Variants in IGDCC3 observed in about 807,000 individuals in gnomAD.
The protein encoded by IGDCC3 is putative neuronal cell adhesion molecule.
Under a neutral mutation model 72.0 loss-of-function variants are expected in IGDCC3, and 47 were observed. That is an observed-to-expected ratio of 0.65 (90% CI 0.52 to 0.83). IGDCC3 has a LOEUF of 0.83. Ranked by LOEUF, IGDCC3 falls within the 40% of genes least tolerant of loss-of-function variation. The pLI is 0.00. For missense variants in IGDCC3, 1,038 were observed against 1,091.3 expected (o/e 0.95, Z 0.69); for synonymous variants, 477 against 472.8 (o/e 1.01, Z -0.11).
At chr15:65,362,704 G>A (rs2091268944) in intron 2 of IGDCC3, among the ~76,000 whole-genome samples, 1 of 152,144 alleles carries the variant, frequency 6.6e-6, no homozygotes, top group Admixed American at 6.6e-5. Context: ...AGTGTTCAGG[G>A]AGGGAGCTTG....
chr15:65,329,922 A>G lies in IGDCC3; in HGVS notation c.1859-58T>C. 6.3e-7 allele frequency: 1 copy of G among 1,592,780 alleles called. No individual in the cohort carries two copies. Among genetic ancestry groups the G allele is most frequent in the Non-Finnish European group, 8.6e-7 (1 of 1,164,722 alleles). ...CTCCAGGTCTGAAGCACTCCCAAAC[A>G]CCCAGCCTCTGGGGACTCCTCTTCC... On this transcript the variant is annotated intron_variant, in intron 11 of 13. Coordinates refer to ENST00000327987, the MANE Select transcript of IGDCC3 (RefSeq NM_004884.4). The surrounding 1 kb of genome is among the most constrained non-coding windows in gnomAD (Gnocchi z 4.1).
intron 2 of IGDCC3, among the ~76,000 whole-genome samples, chr15:65,366,965 G>T (rs768213581): frequency 6.6e-6 from 1 of 152,252 alleles, no homozygotes; most frequent in Non-Finnish European, 1.5e-5. Flanking sequence ...TCAGGGAGAG[G>T]TTCTTTTGTG....
chr15:65,342,558 A>G (rs2091091443), intron 2 of IGDCC3, among the ~76,000 whole-genome samples: 1 of 152,200 alleles, frequency 6.6e-6, no homozygotes, highest in Admixed American at 6.5e-5. Flanking sequence ...GTGCTGGTCC[A>G]GACCCGAAGC....
At chr15:65,334,556 C>T in intron 5 of IGDCC3, 172 bp downstream of exon 5, 2 of 639,066 alleles carry the variant, frequency 3.1e-6, no homozygotes, top group Non-Finnish European at 5.1e-6. Context: ...CTCCCTGGTC[C>T]TTCCAGGAGA....
At chr15:65,335,501 A>C in intron 3 of IGDCC3, 80 bp from the exon 4 acceptor site, 11 of 1,410,482 alleles carry the variant, frequency 7.8e-6, no homozygotes, top group Non-Finnish European at 1.1e-5. Context: ...CATCCAAGAT[A>C]CAGCCCAGGA....
intron 2 of IGDCC3, among the ~76,000 whole-genome samples, chr15:65,346,606 G>A (rs1025909617): frequency 5.9e-5 from 9 of 152,236 alleles, no homozygotes; most frequent in East Asian, 5.8e-4. Context: ...ACAGGTGCCC[G>A]CCATCATGCC....
chr15:65,370,604 G>A (rs996653216), intron 2 of IGDCC3, among the ~76,000 whole-genome samples: 6 of 105,760 alleles, frequency 5.7e-5, no homozygotes, highest in African/African-American at 1.7e-4. Flanking sequence ...ATATGTATGT[G>A]TATATATATG....
In IGDCC3 at chr15:65,368,175, C is replaced by CACAT. The variant is rs1191667894; in HGVS notation, c.409+6921_409+6922insATGT. Among the ~76,000 whole-genome samples the CACAT allele has an allele frequency of 9.9e-5, 15 of 151,392 alleles. 1 individual carries two copies. Among genetic ancestry groups the CACAT allele is most frequent in the African/African-American group, 3.6e-4 (15 of 41,196 alleles). On this transcript the variant is annotated intron_variant, in intron 2 of 13. Transcript: ENST00000327987. The stretch of plus-strand genomic sequence containing the variant: ...TCTCTTTCACTCACACACACACACA[C>CACAT]ACACACACACACACACACACACACC...
intron 2 of IGDCC3, among the ~76,000 whole-genome samples, chr15:65,361,879 C>T (rs1014556787): frequency 2.6e-5 from 4 of 152,172 alleles, no homozygotes; most frequent in African/African-American, 9.7e-5. Flanking sequence ...GCTGCTTCCG[C>T]GGCCGCCGCA....
At chr15:65,356,848 C>CTTTTTTTGTTTTTT (rs2091225250) in intron 2 of IGDCC3, among the ~76,000 whole-genome samples, 1 of 70,898 alleles carries the variant, frequency 1.4e-5, no homozygotes, top group African/African-American at 6.7e-5. Flanking sequence ...AATGGACCTG[C>CTTTTTTTGTTTTTT]TTTTTTTTTT....
intron 2 of IGDCC3, among the ~76,000 whole-genome samples, chr15:65,356,627 T>C (rs924102268): frequency 4.1e-5 from 6 of 146,300 alleles, no homozygotes; most frequent in Admixed American, 7.2e-5. Context: ...AGAGATACTT[T>C]GTGCTACGTC....
chr15:65,355,797 C>G (rs1461038053), intron 2 of IGDCC3: 24 of 453,310 alleles, frequency 5.3e-5, no homozygotes, highest in Admixed American at 5.2e-4. Flanking sequence ...AGCCATTGTC[C>G]TCGCACGCCA....
chr15:65,330,778 A>G (rs1451434968), intron 9 of IGDCC3, 37 bp from the exon 10 acceptor site: 1 of 1,478,328 alleles, frequency 6.8e-7, no homozygotes, highest in Admixed American at 2.0e-5. Context: ...GTGAGGACCC[A>G]GTGGAAGCTC....
chr15:65,344,799 G>A (rs975944815), intron 2 of IGDCC3, among the ~76,000 whole-genome samples: 2 of 152,204 alleles, frequency 1.3e-5, no homozygotes, highest in East Asian at 3.9e-4. Flanking sequence ...TCCTCCCTCA[G>A]TGGAGGGTGT....
At chr15:65,331,344 C>A (rs982917972) in intron 8 of IGDCC3, 68 bp downstream of exon 8, 9 of 1,567,284 alleles carry the variant, frequency 5.7e-6, no homozygotes, top group Admixed American at 3.5e-5. Context: ...CGGGTCACGA[C>A]GTGCAGGATT....
At chr15:65,333,601 C>T (rs1595750625) in intron 5 of IGDCC3, among the ~76,000 whole-genome samples, 186 bp from the exon 6 acceptor site, 1 of 152,212 alleles carries the variant, frequency 6.6e-6, no homozygotes, top group South Asian at 2.1e-4. Flanking sequence ...ACAGAACCCT[C>T]GCGCCTAGCA....
chr15:65,365,887 T>C (rs1278630608), intron 2 of IGDCC3, among the ~76,000 whole-genome samples: 1 of 151,836 alleles, frequency 6.6e-6, no homozygotes, highest in Non-Finnish European at 1.5e-5. Flanking sequence ...CTTGGCAACA[T>C]AGTGAGACCC....
chr15:65,354,991 G>A (rs2091204285), intron 2 of IGDCC3, among the ~76,000 whole-genome samples: 1 of 152,194 alleles, frequency 6.6e-6, no homozygotes, highest in African/African-American at 2.4e-5. Flanking sequence ...AGCTCTGGAA[G>A]TGACCCTAGG....
intron 2 of IGDCC3, among the ~76,000 whole-genome samples, chr15:65,340,585 C>T (rs755500152): frequency 2.6e-5 from 4 of 152,154 alleles, no homozygotes; most frequent in South Asian, 4.1e-4. Flanking sequence ...ACCAGGGACA[C>T]GCAGCCTTTT....
Sources: allele counts gnomAD v4.1 joint callset (sites outside exome capture counted in the v4.1 genomes callset), GRCh38; gene constraint gnomAD v4.1.1; non-coding constraint Gnocchi (gnomAD v3.1); transcripts MANE v1.5; gene names NCBI Gene and HGNC (gene_info 2026-07-23, HGNC 2026-07-21).